ZFAND3: variants seen among roughly 807,000 people sequenced by gnomAD.
The protein encoded by ZFAND3 is zinc finger AN1-type containing 3.
Under a neutral mutation model 29.6 loss-of-function variants are expected in ZFAND3, and 10 were observed. The observed-to-expected ratio is 0.34, with a 90% CI of 0.21 to 0.57. ZFAND3 has a LOEUF of 0.57. Among genes scored for constraint, ZFAND3 ranks in the 20% least tolerant of loss-of-function variants. The probability of loss-of-function intolerance (pLI) is 0.86; values close to 1 mark genes in which losing one functional copy is unlikely to be tolerated. For missense variants in ZFAND3, 230 were observed against 304.5 expected, an observed-to-expected ratio of 0.76 and a Z score of 1.82; for synonymous variants, 128 against 112.6, an observed-to-expected ratio of 1.14 and a Z score of -0.87.
chr6:38,068,785 G>A (rs1044700180), intron 3 of ZFAND3, among the ~76,000 whole-genome samples: 6 of 152,148 alleles, frequency 3.9e-5, no homozygotes, highest in African/African-American at 1.4e-4. Flanking sequence ...AATGACTAAA[G>A]CTTCGTTTCC....
rs571154376 is a variant in ZFAND3 at position 37,930,989 on chromosome 6, AG to A, written c.112+993del. Among the ~76,000 whole-genome samples, 803 of 152,300 alleles carry A rather than the reference AG, an allele frequency of 5.3e-3. 6 individuals carry two copies. The highest frequency in any genetic ancestry group is 6.7e-3 in the Non-Finnish European group (457 of 68,022). On this transcript the variant is annotated intron_variant, in intron 2 of 5. Transcript: ENST00000287218. ...AAGGGAGAATGGCAGGGGACTTGGC[AG>A]GGTGGATAAACGGAATCTGTAGACT... is the stretch of plus-strand genomic sequence containing the variant.
intron 4 of ZFAND3, among the ~76,000 whole-genome samples, chr6:38,108,730 C>G (rs1209308930): frequency 2.0e-5 from 3 of 152,240 alleles, no homozygotes; most frequent in Admixed American, 2.0e-4. Flanking sequence ...ATTCCACCAA[C>G]TTAAACGACA....
At chr6:37,883,573 C>T (rs35925070) in intron 1 of ZFAND3, among the ~76,000 whole-genome samples, 58,070 of 140,378 alleles carry the variant, frequency 0.41, 15,593 homozygotes, top group Non-Finnish European at 0.51. Flanking sequence ...GACGGAGTCT[C>T]GCTCTGTTGC....
chr6:38,121,511 C>T (rs531928264), intron 5 of ZFAND3, among the ~76,000 whole-genome samples: 91 of 152,344 alleles, frequency 6.0e-4, no homozygotes, highest in Non-Finnish European at 2.6e-4. Flanking sequence ...AACAAGTTCC[C>T]ATGGAATGTT....
intron 2 of ZFAND3, among the ~76,000 whole-genome samples, chr6:38,006,665 T>G (rs1320972020): frequency 1.3e-5 from 2 of 150,880 alleles, no homozygotes; most frequent in Non-Finnish European, 1.5e-5. Context: ...GTTTTTTTTT[T>G]TTTTTTTTTT....
At chr6:38,096,572 T>C (rs1764985194) in intron 4 of ZFAND3, among the ~76,000 whole-genome samples, 1 of 152,232 alleles carries the variant, frequency 6.6e-6, no homozygotes, top group Non-Finnish European at 1.5e-5. Flanking sequence ...CTAGGTCCCT[T>C]AGATCTGAAG....
intron 2 of ZFAND3, among the ~76,000 whole-genome samples, chr6:37,964,561 A>G (rs1401886394): frequency 2.0e-5 from 3 of 152,132 alleles, no homozygotes; most frequent in Non-Finnish European, 2.9e-5. Context: ...CATTGATTCA[A>G]TCCCTGCCTT....
At chr6:37,824,112 A>G (rs987436406) in intron 1 of ZFAND3, among the ~76,000 whole-genome samples, 2 of 152,192 alleles carry the variant, frequency 1.3e-5, no homozygotes, top group African/African-American at 4.8e-5. Flanking sequence ...GATTAAAACA[A>G]ATTTTTCTTG....
At chr6:38,008,593 A>G (rs1763091085) in intron 2 of ZFAND3, among the ~76,000 whole-genome samples, 1 of 152,140 alleles carries the variant, frequency 6.6e-6, no homozygotes, top group African/African-American at 2.4e-5. Flanking sequence ...TGGACAACAG[A>G]GAGATTTTCT....
intron 4 of ZFAND3, among the ~76,000 whole-genome samples, chr6:38,098,684 G>A (rs955165980): frequency 2.0e-5 from 3 of 151,512 alleles, no homozygotes; most frequent in Non-Finnish European, 4.4e-5. Context: ...TTTATTTTTA[G>A]TAGAGACAGG....
intron 2 of ZFAND3, among the ~76,000 whole-genome samples, chr6:38,060,967 A>G (rs1412311701): frequency 6.6e-6 from 1 of 152,196 alleles, no homozygotes; most frequent in Non-Finnish European, 1.5e-5. Context: ...ATTTGGTTGA[A>G]AAAAATCCAC....
At chr6:38,106,940 A>G (rs1211668106) in intron 4 of ZFAND3, among the ~76,000 whole-genome samples, 1 of 152,136 alleles carries the variant, frequency 6.6e-6, no homozygotes, top group African/African-American at 2.4e-5. Context: ...CACTAAATGA[A>G]ATTGTGGTTA....
intron 4 of ZFAND3, among the ~76,000 whole-genome samples, chr6:38,108,353 A>G (rs1344181380): frequency 2.0e-5 from 3 of 152,184 alleles, no homozygotes; most frequent in African/African-American, 7.2e-5. Context: ...ATTGGCTCAC[A>G]TGATTCCAAG....
chr6:37,985,620 C>T (rs181408630), intron 2 of ZFAND3, among the ~76,000 whole-genome samples: 10 of 152,114 alleles, frequency 6.6e-5, no homozygotes, highest in East Asian at 1.9e-4. Context: ...GTTGAGGCTG[C>T]GGTGAACCAA....
At chr6:38,033,321 C>A (rs996724635) in intron 2 of ZFAND3, among the ~76,000 whole-genome samples, 7 of 152,078 alleles carry the variant, frequency 4.6e-5, no homozygotes, top group African/African-American at 1.4e-4. Flanking sequence ...CTTTTCCAAT[C>A]TTCATTATTT....
chr6:37,949,421 G>T (rs1341096572), intron 2 of ZFAND3, among the ~76,000 whole-genome samples: 1 of 151,990 alleles, frequency 6.6e-6, no homozygotes, highest in Admixed American at 6.5e-5. Flanking sequence ...TGTGTGTGGG[G>T]GGGTCTCTCC....
intron 2 of ZFAND3, among the ~76,000 whole-genome samples, chr6:37,995,972 C>CA (rs773112023): frequency 2.0e-5 from 3 of 151,624 alleles, no homozygotes; most frequent in Non-Finnish European, 4.4e-5. Flanking sequence ...ACTAAAAATA[C>CA]AAAAAAATTA....
chr6:38,003,688 T>TTTTG, intron 2 of ZFAND3: 3 of 321,462 alleles, frequency 9.3e-6, no homozygotes, highest in Non-Finnish European at 1.9e-5. Flanking sequence ...TTTTTTTTTG[T>TTTTG]AGAGACGGGG....
At chr6:38,026,552 C>T in intron 2 of ZFAND3, among the ~76,000 whole-genome samples, 1 of 150,718 alleles carries the variant, frequency 6.6e-6, no homozygotes, top group East Asian at 2.0e-4. Flanking sequence ...GCCTCAGCCT[C>T]CCAAGTAGCT....
Sources: gnomAD v4.1 joint callset for allele counts (sites outside exome capture counted in the v4.1 genomes callset) on GRCh38, gnomAD v4.1.1 for gene constraint, MANE v1.5 for transcripts, NCBI Gene and HGNC (gene_info 2026-07-23, HGNC 2026-07-21) for gene names.